Variants in STPG1 observed in about 807,000 individuals in gnomAD.
STPG1 encodes O(6)-methylguanine-induced apoptosis 2.
STPG1 carries 33 observed loss-of-function variants against 40.1 expected under a neutral mutation model. The ratio of observed to expected loss-of-function variants is 0.82; its 90% CI spans 0.62 to 1.10. The LOEUF (loss-of-function observed/expected upper bound fraction) is 1.10. Among genes scored for constraint, STPG1 ranks in the 50% least tolerant of loss-of-function variants. The pLI, the probability that STPG1 is intolerant of heterozygous loss-of-function variation, is 0.00. For synonymous variants in STPG1, 150 were observed against 155.0 expected, an observed-to-expected ratio of 0.97 and a Z score of 0.24; for missense variants, 396 against 415.1, an observed-to-expected ratio of 0.95 and a Z score of 0.40.
rs112501160 is a variant in STPG1 at position 24,362,485 on chromosome 1, G to A, written c.738-1444C>T. Among the ~76,000 whole-genome samples the A allele has an allele frequency of 7.3e-4, 111 of 152,286 alleles. 2 individuals carry two copies. The highest frequency in any genetic ancestry group is 2.3e-3 in the African/African-American group (97 of 41,548). On this transcript the variant is annotated intron_variant, in intron 7 of 8. Transcript: ENST00000337248. ...GCCCCTGATTTCTCTATAGCTTAGCGTCAGTATACACAGCATTGCAAGGAA... is the reference window on the plus strand; with the variant it reads ...GCCCCTGATTTCTCTATAGCTTAGCATCAGTATACACAGCATTGCAAGGAA...
intron 2 of STPG1, among the ~76,000 whole-genome samples, chr1:24,393,033 A>G (rs1642846391): frequency 6.6e-6 from 1 of 152,246 alleles, no homozygotes; most frequent in South Asian, 2.1e-4. Context: ...AAGGGGTACA[A>G]TCATGAACCA....
At chr1:24,382,187 T>A (rs1393750064) in intron 4 of STPG1, among the ~76,000 whole-genome samples, 1 of 152,180 alleles carries the variant, frequency 6.6e-6, no homozygotes, top group Non-Finnish European at 1.5e-5. Flanking sequence ...ATTTGGAAAG[T>A]TACCGCACGC....
intron 2 of STPG1, among the ~76,000 whole-genome samples, chr1:24,395,802 A>G (rs566771497): frequency 6.6e-6 from 1 of 152,236 alleles, no homozygotes; most frequent in African/African-American, 2.4e-5. Flanking sequence ...GGTAGCCTGT[A>G]ATCCAGCACT....
chr1:24,398,918 C>T (rs985140807), intron 2 of STPG1, among the ~76,000 whole-genome samples: 2 of 151,950 alleles, frequency 1.3e-5, no homozygotes, highest in African/African-American at 4.8e-5. Context: ...AAATTGATTT[C>T]TAGAATCAAT....
chr1:24,366,327 CAG>C (rs1230456804), intron 7 of STPG1, among the ~76,000 whole-genome samples: 2 of 152,094 alleles, frequency 1.3e-5, no homozygotes, highest in African/African-American at 4.8e-5. Flanking sequence ...GGGGTCACCT[CAG>C]GGGTCTACTG....
intron 8 of STPG1, 27 bp from the exon 9 acceptor site, chr1:24,358,646 A>G (rs752036833): frequency 3.2e-6 from 5 of 1,580,358 alleles, no homozygotes; most frequent in African/African-American, 2.7e-5. Flanking sequence ...AGGCGGAGGC[A>G]TTAAGAGAGA....
At chr1:24,374,244 GT>G (rs869037466) in intron 5 of STPG1, among the ~76,000 whole-genome samples, 9 of 93,274 alleles carry the variant, frequency 9.6e-5, no homozygotes, top group East Asian at 3.8e-4. Context: ...CTAGGAAAGT[GT>G]TTTTTTTTTT....
Position 24,401,316 on chromosome 1 carries a change from T to A in STPG1, c.70+3A>T, listed in dbSNP as rs755386259. The stretch of plus-strand genomic sequence containing the variant: ...TATCTCCTCCCTGCAAAGACACATG[T>A]ACCTTTCTGTACTTCACTGGCACGT... On this transcript the variant is annotated splice_donor_region_variant and intron_variant, in intron 2 of 8. Transcript: ENST00000337248. The A allele has an allele frequency of 3.1e-6, 5 of 1,613,936 alleles. No individual in the cohort carries two copies. The highest frequency in any genetic ancestry group is 1.7e-4 in the Middle Eastern group (1 of 6,060).
At chr1:24,361,286 C>T (rs749404176) in intron 7 of STPG1, among the ~76,000 whole-genome samples, 6 of 152,134 alleles carry the variant, frequency 3.9e-5, no homozygotes, top group East Asian at 1.9e-4. Context: ...AATGAGATGA[C>T]GTACCTAAAA....
intron 6 of STPG1, among the ~76,000 whole-genome samples, chr1:24,373,334 T>C (rs1339167137): frequency 2.0e-5 from 3 of 152,208 alleles, no homozygotes; most frequent in Admixed American, 2.0e-4. Flanking sequence ...ACAGGATGTA[T>C]GGTCATGCCC....
In STPG1 at chr1:24,357,969, A is replaced by G. The variant is rs868849162; in HGVS notation, c.*574T>C. ...GGAGTAAAGAGAGGTCTTTCCAAAC[A>G]GGTGGTCACTTTAGAAAGGAAGCTG... On this transcript the variant is annotated 3_prime_UTR_variant, in exon 9 of 9. Transcript: ENST00000337248. The G allele has an allele frequency of 2.9e-6, 1 of 346,108 alleles. No homozygotes were observed. The highest frequency in any genetic ancestry group is 2.2e-5 in the South Asian group (1 of 44,726). 21.4% of individuals were successfully genotyped at this position (346,108 alleles called of 1,614,324 possible). A position where few individuals can be genotyped will look rare whatever the true frequency, so the allele number is the denominator to read the frequency against.
At chr1:24,402,748 AAAAAAAAAAC>A (rs1472511183) in intron 1 of STPG1, among the ~76,000 whole-genome samples, 8 of 107,726 alleles carry the variant, frequency 7.4e-5, no homozygotes, top group South Asian at 7.4e-4. Flanking sequence ...CCTATCTCAA[AAAAAAAAAAC>A]AAAAAAAAAC....
intron 8 of STPG1, among the ~76,000 whole-genome samples, 163 bp from the exon 9 acceptor site, chr1:24,358,782 G>A (rs1640897451): frequency 6.6e-6 from 1 of 152,126 alleles, no homozygotes; most frequent in Non-Finnish European, 1.5e-5. Flanking sequence ...GAGGTTATTT[G>A]GCTCTTAACT....
Position 24,393,924 on chromosome 1 carries a change from C to T in STPG1, c.71-2245G>A, listed in dbSNP as rs146858646. On this transcript the variant is annotated intron_variant, in intron 2 of 8. Coordinates refer to ENST00000337248, the MANE Select transcript of STPG1 (RefSeq NM_001199013.2). ...GGAAGAAGGGATCCAGATGGAGCCC[C>T]GTGGTCTTCCTGAGTTGAGGAAATA... 2.5e-4 allele frequency among the ~76,000 whole-genome samples: 38 copies of T among 152,240 alleles called. No homozygotes were observed. In the East Asian group the frequency reaches 6.4e-3, roughly 26 times the overall value.
intron 4 of STPG1, among the ~76,000 whole-genome samples, chr1:24,382,171 C>A (rs1418706729): frequency 1.3e-5 from 2 of 152,194 alleles, no homozygotes; most frequent in African/African-American, 4.8e-5. Flanking sequence ...GATAGTCAGG[C>A]TTTTCATTTG....
At chr1:24,380,341 C>A (rs909808438) in intron 4 of STPG1, among the ~76,000 whole-genome samples, 3 of 152,172 alleles carry the variant, frequency 2.0e-5, no homozygotes, top group African/African-American at 4.8e-5. Flanking sequence ...TCAAATCCTA[C>A]AGTATTTTCA....
chr1:24,393,008 C>A (rs1642845223), intron 2 of STPG1, among the ~76,000 whole-genome samples: 1 of 152,172 alleles, frequency 6.6e-6, no homozygotes. Context: ...AGCCTGAAGA[C>A]AACAGGGACC....
intron 2 of STPG1, among the ~76,000 whole-genome samples, chr1:24,397,983 A>G (rs1490979731): frequency 6.6e-6 from 1 of 152,160 alleles, no homozygotes; most frequent in African/African-American, 2.4e-5. Context: ...ACTAGATCAT[A>G]TGTTTAACTT....
chr1:24,383,535 A>G (rs1421655491), intron 4 of STPG1, among the ~76,000 whole-genome samples: 2 of 152,220 alleles, frequency 1.3e-5, no homozygotes, highest in African/African-American at 2.4e-5. Context: ...ACAACCAATT[A>G]GATTAAGCAT....
Sources: gnomAD v4.1 joint callset for allele counts (sites outside exome capture counted in the v4.1 genomes callset) on GRCh38, gnomAD v4.1.1 for gene constraint, MANE v1.5 for transcripts, NCBI Gene and HGNC (gene_info 2026-07-23, HGNC 2026-07-21) for gene names.